Variants in OLFM2 observed in about 807,000 individuals in gnomAD.
OLFM2 encodes olfactomedin 2.
Under a neutral mutation model 43.9 loss-of-function variants are expected in OLFM2, and 20 were observed. The observed-to-expected ratio is 0.46, with a 90% CI of 0.32 to 0.66. The LOEUF (loss-of-function observed/expected upper bound fraction) is 0.66, where lower values mean the gene tolerates loss of function less well. Ranked by LOEUF, OLFM2 falls within the 30% of genes least tolerant of loss-of-function variation. The pLI, the probability that OLFM2 is intolerant of heterozygous loss-of-function variation, is 0.04. For missense variants in OLFM2, 416 were observed against 643.6 expected, an observed-to-expected ratio of 0.65 and a Z score of 3.83; for synonymous variants, 268 against 278.6, an observed-to-expected ratio of 0.96 and a Z score of 0.38.
intron 1 of OLFM2, among the ~76,000 whole-genome samples, chr19:9,899,308 C>T (rs2144974291): frequency 6.6e-6 from 1 of 152,092 alleles, no homozygotes; most frequent in Admixed American, 6.6e-5. Flanking sequence ...TTCACTGTGG[C>T]CAGAAGCCTC....
chr19:9,881,871 A>G (rs2046542838), intron 1 of OLFM2, among the ~76,000 whole-genome samples: 1 of 151,900 alleles, frequency 6.6e-6, no homozygotes, highest in African/African-American at 2.4e-5. Context: ...TTTTAATTTA[A>G]TCACCTCTTA....
chr19:9,871,963 C>T (rs1341110201), intron 1 of OLFM2, among the ~76,000 whole-genome samples: 1 of 152,214 alleles, frequency 6.6e-6, no homozygotes, highest in Non-Finnish European at 1.5e-5. Flanking sequence ...TTCTGTTGTT[C>T]GTCCTAGGGA....
At chr19:9,908,960 C>T (rs1296166366) in intron 1 of OLFM2, among the ~76,000 whole-genome samples, 1 of 152,114 alleles carries the variant, frequency 6.6e-6, no homozygotes, top group African/African-American at 2.4e-5. Context: ...CCCACCTTGA[C>T]CCCTCAAAGT....
chr19:9,875,853 T>C (rs1385371033), intron 1 of OLFM2, among the ~76,000 whole-genome samples: 1 of 152,050 alleles, frequency 6.6e-6, no homozygotes, highest in African/African-American at 2.4e-5. Flanking sequence ...GCTCAATAGC[T>C]ACCACGGGGA....
chr19:9,924,102 A>C (rs1455192597), intron 1 of OLFM2, among the ~76,000 whole-genome samples: 2 of 115,724 alleles, frequency 1.7e-5, no homozygotes, highest in African/African-American at 9.3e-5. Context: ...CCTCGTCTCT[A>C]CAAAAAAAAA....
At chr19:9,904,004 ACACTGAGG>A (rs975312444) in intron 1 of OLFM2, among the ~76,000 whole-genome samples, 4 of 152,130 alleles carry the variant, frequency 2.6e-5, no homozygotes, top group Admixed American at 1.3e-4. Context: ...CATGGGCACT[ACACTGAGG>A]GCTGCATCAC....
At chr19:9,902,375 C>A (rs1352356018) in intron 1 of OLFM2, among the ~76,000 whole-genome samples, 1 of 148,050 alleles carries the variant, frequency 6.8e-6, no homozygotes, top group African/African-American at 2.5e-5. Context: ...TGTTTACTTG[C>A]CTTCATCTTT....
chr19:9,902,388 T>C (rs186193579), intron 1 of OLFM2, among the ~76,000 whole-genome samples: 2,012 of 144,670 alleles, frequency 0.014, 20 homozygotes, highest in South Asian at 0.037. Flanking sequence ...TCATCTTTTT[T>C]TTTTTTTTTT....
At chr19:9,920,866 C>A (rs536496267) in intron 1 of OLFM2, among the ~76,000 whole-genome samples, 3 of 151,338 alleles carry the variant, frequency 2.0e-5, no homozygotes, top group Non-Finnish European at 4.4e-5. Flanking sequence ...GAGATCACAC[C>A]ACTGTACTCC....
At chr19:9,884,140 G>A (rs543378732) in intron 1 of OLFM2, among the ~76,000 whole-genome samples, 43 of 151,990 alleles carry the variant, frequency 2.8e-4, no homozygotes, top group Admixed American at 1.1e-3. Context: ...ATGGTGGTGC[G>A]CACCTGTAGT....
intron 1 of OLFM2, among the ~76,000 whole-genome samples, chr19:9,934,774 A>C (rs1430250889): frequency 1.3e-5 from 2 of 152,082 alleles, no homozygotes; most frequent in African/African-American, 4.8e-5. Context: ...GCGTGGGGAA[A>C]TGGAGGAGCG....
intron 1 of OLFM2, among the ~76,000 whole-genome samples, chr19:9,887,336 C>G (rs1599481488): frequency 1.3e-5 from 2 of 151,710 alleles, no homozygotes. Context: ...ACACCACCAC[C>G]CCCAGCTAAT....
rs1484554763 is a variant in OLFM2 at position 9,856,775 on chromosome 19, C to T, written c.687+32G>A. ...AGTCAAAGGCTCTGTCCCTCCCAGG[C>T]CCTGACCCCAGGGGTGGGCGCAGTC... On this transcript the variant is annotated intron_variant, in intron 5 of 5. Coordinates refer to ENST00000264833, the MANE Select transcript of OLFM2 (RefSeq NM_058164.4). The surrounding 1 kb of genome is among the most constrained non-coding windows in gnomAD (Gnocchi z 4.0). 1 of 1,560,316 alleles carries T rather than the reference C, an allele frequency of 6.4e-7. No homozygotes were observed. Among genetic ancestry groups the T allele is most frequent in the Admixed American group, 1.7e-5 (1 of 58,106 alleles).
At chr19:9,858,173 A>C in intron 2 of OLFM2, 1 of 447,686 alleles carries the variant, frequency 2.2e-6, no homozygotes, top group Non-Finnish European at 4.2e-6. Context: ...GAACTTTCAA[A>C]ACAGAGATTA....
intron 1 of OLFM2, among the ~76,000 whole-genome samples, chr19:9,918,956 T>A (rs1429014888): frequency 6.6e-6 from 1 of 152,148 alleles, no homozygotes; most frequent in African/African-American, 2.4e-5. Context: ...GCTGCACAAC[T>A]CTGTAAATTT....
At chr19:9,890,737 G>A (rs1352165482) in intron 1 of OLFM2, among the ~76,000 whole-genome samples, 3 of 152,112 alleles carry the variant, frequency 2.0e-5, no homozygotes, top group African/African-American at 7.2e-5. Flanking sequence ...AGAACTGCTT[G>A]AGGCCAGGAG....
At chr19:9,900,200 C>T (rs1164891201) in intron 1 of OLFM2, among the ~76,000 whole-genome samples, 1 of 152,038 alleles carries the variant, frequency 6.6e-6, no homozygotes, top group Non-Finnish European at 1.5e-5. Context: ...CCATGGCCAA[C>T]AGGAGGCAAA....
intron 1 of OLFM2, among the ~76,000 whole-genome samples, chr19:9,922,906 G>A (rs1463525800): frequency 3.0e-5 from 4 of 135,420 alleles, no homozygotes; most frequent in African/African-American, 1.2e-4. Context: ...GTGAGACCCT[G>A]TCTCAAAAAA....
intron 1 of OLFM2, among the ~76,000 whole-genome samples, chr19:9,930,882 T>G (rs1214513696): frequency 2.6e-5 from 4 of 151,606 alleles, no homozygotes; most frequent in African/African-American, 9.7e-5. Flanking sequence ...ATCATCAACT[T>G]TTTAAAATGT....
Sources: gnomAD v4.1 joint callset for allele counts (sites outside exome capture counted in the v4.1 genomes callset) on GRCh38, gnomAD v4.1.1 for gene constraint, Gnocchi (gnomAD v3.1) non-coding constraint, MANE v1.5 for transcripts, NCBI Gene and HGNC (gene_info 2026-07-23, HGNC 2026-07-21) for gene names.